KIAA1958: variants seen among roughly 807,000 people sequenced by gnomAD.
KIAA1958 encodes the protein uncharacterized protein KIAA1958.
Under a neutral mutation model 47.2 loss-of-function variants are expected in KIAA1958, and 14 were observed. That is an observed-to-expected ratio of 0.30 (90% CI 0.20 to 0.46). The LOEUF (loss-of-function observed/expected upper bound fraction) is 0.46, where lower values mean the gene tolerates loss of function less well. Among genes scored for constraint, KIAA1958 ranks in the 20% least tolerant of loss-of-function variants. The pLI is 1.00. For synonymous variants in KIAA1958, 354 were observed against 353.3 expected (o/e 1.00, Z -0.02); for missense variants, 803 against 909.2 (o/e 0.88, Z 1.50).
chr9:112,565,351 T>C lies in KIAA1958; in HGVS notation c.-24-8706T>C, dbSNP rs564030945. ...ACCCCTGGGCTCAAACAATCCTCCT[T>C]CTTTGGCCTCCCAAAGTGCTGGGAT... On this transcript the variant is annotated intron_variant, in intron 1 of 3. Transcript: ENST00000337530. Among the ~76,000 whole-genome samples the C allele has an allele frequency of 1.6e-4, 25 of 152,308 alleles. No homozygotes were observed. The South Asian group carries it at 2.9e-3, about 18-fold the overall frequency.
rs1837370431 is a variant in KIAA1958, at chr9:112,667,797, A to G, written c.*7728A>G. On this transcript the variant is annotated 3_prime_UTR_variant, in exon 4 of 4. Coordinates refer to ENST00000337530, the MANE Select transcript of KIAA1958 (RefSeq NM_133465.4). The stretch of plus-strand genomic sequence containing the variant: ...TATATGAGCTATGTAATAGTCTTAC[A>G]AAGATAATAAGTTGTACAGCAACCT... 6.6e-6 allele frequency: 1 copy of G among 152,214 alleles called. No homozygotes were observed. Among genetic ancestry groups the G allele is most frequent in the Admixed American group, 6.5e-5 (1 of 15,282 alleles). The allele number at this position is 152,214 out of a possible 1,614,324, so 9.4% of individuals were successfully genotyped here.
At chr9:112,529,469 C>A (rs1438271400) in intron 1 of KIAA1958, among the ~76,000 whole-genome samples, 1 of 152,200 alleles carries the variant, frequency 6.6e-6, no homozygotes, top group Non-Finnish European at 1.5e-5. Context: ...ACCTTAGGAT[C>A]CTCTGAGCTG....
intron 2 of KIAA1958, among the ~76,000 whole-genome samples, chr9:112,585,320 A>C (rs760239148): frequency 6.6e-6 from 1 of 152,248 alleles, no homozygotes; most frequent in Non-Finnish European, 1.5e-5. Flanking sequence ...CTGAAGATTT[A>C]TGAAGAGTGG....
intron 2 of KIAA1958, among the ~76,000 whole-genome samples, chr9:112,584,358 G>A (rs1004502525): frequency 2.0e-5 from 3 of 152,130 alleles, no homozygotes; most frequent in Admixed American, 1.3e-4. Flanking sequence ...CTGGTATTCC[G>A]TATACTTTTT....
At chr9:112,513,067 C>T (rs1163011039) in intron 1 of KIAA1958, among the ~76,000 whole-genome samples, 12 of 144,222 alleles carry the variant, frequency 8.3e-5, no homozygotes, top group Admixed American at 4.9e-4. Context: ...TGCAGTGGCG[C>T]GATCTCGGCT....
intron 3 of KIAA1958, among the ~76,000 whole-genome samples, chr9:112,650,039 T>G (rs1305975901): frequency 6.6e-6 from 1 of 151,764 alleles, no homozygotes; most frequent in Non-Finnish European, 1.5e-5. Flanking sequence ...AGTAAAAATA[T>G]TAAATTGATA....
chr9:112,515,709 C>T (rs2132787611), intron 1 of KIAA1958, among the ~76,000 whole-genome samples: 1 of 79,080 alleles, frequency 1.3e-5, no homozygotes, highest in South Asian at 5.2e-4. Flanking sequence ...GAGTCATCAC[C>T]AATCCCTAAT....
In KIAA1958 at chr9:112,660,351, A is replaced by G. The variant is rs2131255906; in HGVS notation, c.*282A>G. ...GTTACATACAAGAGTGAGGAAATTC[A>G]TTTTCTCTAGTGCCTTTCTAGCACA... is the stretch of plus-strand genomic sequence containing the variant. On this transcript the variant is annotated 3_prime_UTR_variant, in exon 4 of 4. Transcript: ENST00000337530. 2 of 400,702 alleles carry G rather than the reference A, an allele frequency of 5.0e-6. No homozygotes were observed. Among genetic ancestry groups the G allele is most frequent in the East Asian group, 4.0e-5 (1 of 25,022 alleles). 24.8% of individuals were successfully genotyped at this position (400,702 alleles called of 1,614,324 possible). A position where few individuals can be genotyped will look rare whatever the true frequency, so the allele number is the denominator to read the frequency against.
intron 1 of KIAA1958, among the ~76,000 whole-genome samples, chr9:112,545,830 T>G (rs796936236): frequency 6.7e-6 from 1 of 148,342 alleles, no homozygotes; most frequent in South Asian, 2.1e-4. Flanking sequence ...TCTTTGTTTT[T>G]TTTTTTTTTT....
At position 112,659,928 on chromosome 9, in the gene KIAA1958, G is replaced by GC; in HGVS notation, c.2011dup (p.Gln671ProfsTer25). The GC allele has an allele frequency of 6.2e-7, 1 of 1,614,272 alleles. No homozygotes were observed. The highest frequency in any genetic ancestry group is 8.5e-7 in the Non-Finnish European group (1 of 1,180,058). On this transcript the variant is annotated frameshift_variant, in exon 4 of 4. Transcript: ENST00000337530. LOFTEE classifies it high-confidence loss of function. ...ACATGGGCAGCGTGTGGTATGAGGA[G>GC]CAGAGGATGGGGCTGCGCTCTCTTC...
chr9:112,633,989 A>G (rs1836755964), intron 2 of KIAA1958, among the ~76,000 whole-genome samples: 1 of 152,012 alleles, frequency 6.6e-6, no homozygotes, highest in Admixed American at 6.5e-5. Flanking sequence ...GTATATATTT[A>G]GGTGTAGGAT....
chr9:112,533,431 A>AT (rs1834788129), intron 1 of KIAA1958, among the ~76,000 whole-genome samples: 1 of 149,872 alleles, frequency 6.7e-6, no homozygotes, highest in Non-Finnish European at 1.5e-5. Context: ...AAGAAAAAAA[A>AT]AATAGCCAGG....
intron 1 of KIAA1958, among the ~76,000 whole-genome samples, chr9:112,509,974 C>A (rs1290409727): frequency 6.6e-6 from 1 of 152,164 alleles, no homozygotes; most frequent in East Asian, 1.9e-4. Flanking sequence ...CATCTGGATT[C>A]TCTGAGCATA....
chr9:112,586,175 A>T (rs1588029140), intron 2 of KIAA1958, among the ~76,000 whole-genome samples: 1 of 152,250 alleles, frequency 6.6e-6, no homozygotes, highest in African/African-American at 2.4e-5. Flanking sequence ...GACATTTATC[A>T]AGGGTGATAT....
intron 1 of KIAA1958, among the ~76,000 whole-genome samples, chr9:112,530,647 C>G (rs1234050562): frequency 1.3e-5 from 2 of 152,276 alleles, no homozygotes; most frequent in East Asian, 3.9e-4. Flanking sequence ...TTTATACTTT[C>G]AATTTTTTAA....
chr9:112,513,525 G>A (rs1489879381), intron 1 of KIAA1958, among the ~76,000 whole-genome samples: 1 of 99,056 alleles, frequency 1.0e-5, no homozygotes, highest in Non-Finnish European at 2.0e-5. Context: ...GCGGCCCGGG[G>A]CAGTGCGGAG....
intron 1 of KIAA1958, among the ~76,000 whole-genome samples, chr9:112,505,539 G>T (rs780291085): frequency 1.1e-4 from 17 of 152,166 alleles, no homozygotes; most frequent in Non-Finnish European, 7.4e-5. Context: ...GAATTGTATG[G>T]TGTGAAGTCT....
chr9:112,584,710 A>G (rs1394039449), intron 2 of KIAA1958, among the ~76,000 whole-genome samples: 8 of 152,238 alleles, frequency 5.3e-5, no homozygotes, highest in African/African-American at 1.7e-4. Context: ...TCGAGGATCA[A>G]CATTGCCTGA....
chr9:112,617,849 C>T (rs978332883), intron 2 of KIAA1958: 1 of 1,526,976 alleles, frequency 6.5e-7, no homozygotes, highest in Middle Eastern at 1.7e-4. Context: ...CTCTCTATCC[C>T]TCCCCCCCCA....
Sources: gnomAD v4.1 joint callset for allele counts (sites outside exome capture counted in the v4.1 genomes callset) on GRCh38, gnomAD v4.1.1 for gene constraint, MANE v1.5 for transcripts, NCBI Gene and HGNC (gene_info 2026-07-23, HGNC 2026-07-21) for gene names.